The following OR2L13 variants were observed in gnomAD, a reference collection of about 807,000 sequenced individuals.
OR2L13 encodes the protein olfactory receptor family 2 subfamily L member 13.
OR2L13 carries 14 observed loss-of-function variants against 15.3 expected under a neutral mutation model. The ratio of observed to expected loss-of-function variants is 0.91; its 90% CI spans 0.60 to 1.43. The LOEUF (loss-of-function observed/expected upper bound fraction) is 1.43, where lower values mean the gene tolerates loss of function less well. OR2L13 is among the 40% of genes most tolerant of loss of function. OR2L13 has a pLI of 0.00. For missense variants in OR2L13, 367 were observed against 387.9 expected, an observed-to-expected ratio of 0.95 and a Z score of 0.45; for synonymous variants, 152 against 142.9, an observed-to-expected ratio of 1.06 and a Z score of -0.45.
chr1:247,953,150 C>T, the OR2L13 span, among the ~76,000 whole-genome samples: 7 of 152,128 alleles, frequency 4.6e-5, no homozygotes, highest in Non-Finnish European at 1.0e-4. Context: ...TGAGAATGTA[C>T]TCCAGATAAT....
At chr1:248,027,278 C>A in the OR2L13 span, among the ~76,000 whole-genome samples, 1 of 152,198 alleles carries the variant, frequency 6.6e-6, no homozygotes, top group African/African-American at 2.4e-5. Flanking sequence ...CGGTTGTCTG[C>A]TCTCAAACCC....
At chr1:247,996,806 T>C in the OR2L13 span, among the ~76,000 whole-genome samples, 1 of 152,218 alleles carries the variant, frequency 6.6e-6, no homozygotes, top group Non-Finnish European at 1.5e-5. Context: ...CTGGTTGCAC[T>C]AGACATGGCA....
chr1:248,085,884 C>A, the OR2L13 span, among the ~76,000 whole-genome samples: 6 of 152,204 alleles, frequency 3.9e-5, no homozygotes, highest in Admixed American at 6.5e-5. Context: ...AGGGCTCACA[C>A]TCCTATGAGA....
the OR2L13 span, among the ~76,000 whole-genome samples, chr1:248,084,899 T>C: frequency 9.2e-5 from 14 of 151,904 alleles, no homozygotes; most frequent in African/African-American, 3.4e-4. Context: ...AACACTTCAT[T>C]TTTAAGTTGT....
the OR2L13 span, among the ~76,000 whole-genome samples, chr1:247,994,180 G>A: frequency 0.13 from 20,005 of 151,932 alleles, 2,243 homozygotes; most frequent in African/African-American, 0.31. Flanking sequence ...GCGGATCACA[G>A]GGTCAGGAGA....
chr1:247,968,061 A>G, the OR2L13 span, among the ~76,000 whole-genome samples: 32 of 152,274 alleles, frequency 2.1e-4, no homozygotes, highest in Admixed American at 5.2e-4. Flanking sequence ...GAAAGTAGAA[A>G]GGAGAAAGAG....
upstream of OR2L13, among the ~76,000 whole-genome samples, chr1:248,095,826 C>T (rs1231378893): frequency 2.0e-5 from 3 of 150,106 alleles, no homozygotes; most frequent in Non-Finnish European, 4.4e-5. Context: ...AGGCTGGTCC[C>T]GAACTCCTGA....
At chr1:247,965,124 A>G in the OR2L13 span, 1 of 383,238 alleles carries the variant, frequency 2.6e-6, no homozygotes, top group Admixed American at 4.6e-5. Flanking sequence ...ATGTTTGCAT[A>G]TATAATCTGT....
the OR2L13 span, among the ~76,000 whole-genome samples, chr1:248,002,319 A>T: frequency 6.8e-6 from 1 of 145,998 alleles, no homozygotes; most frequent in African/African-American, 2.7e-5. Flanking sequence ...CTGTGTCATT[A>T]AGCACATATA....
At chr1:248,028,201 G>C in the OR2L13 span, among the ~76,000 whole-genome samples, 6 of 141,804 alleles carry the variant, frequency 4.2e-5, no homozygotes, top group South Asian at 2.4e-4. Context: ...AGGCTGATTT[G>C]AGGCTTCCTG....
At chr1:248,014,226 A>G in the OR2L13 span, among the ~76,000 whole-genome samples, 2 of 152,106 alleles carry the variant, frequency 1.3e-5, no homozygotes, top group South Asian at 4.1e-4. Flanking sequence ...TTCCAAGGAA[A>G]TATGTAGAAA....
At chr1:248,076,094 T>A in the OR2L13 span, among the ~76,000 whole-genome samples, 13,697 of 152,232 alleles carry the variant, frequency 0.09, 829 homozygotes, top group African/African-American at 0.17. Context: ...GCACCATTTT[T>A]AAATAGGGAA....
At chr1:247,961,485 A>C in the OR2L13 span, among the ~76,000 whole-genome samples, 1 of 152,220 alleles carries the variant, frequency 6.6e-6, no homozygotes, top group Non-Finnish European at 1.5e-5. Flanking sequence ...GTGATGGTAA[A>C]GTAAGGTGCC....
the OR2L13 span, among the ~76,000 whole-genome samples, chr1:248,012,438 C>A: frequency 6.6e-6 from 1 of 152,144 alleles, no homozygotes; most frequent in Non-Finnish European, 1.5e-5. Flanking sequence ...TGAGTCATGA[C>A]CCATAAAGTC....
chr1:247,983,478 A>G, the OR2L13 span, among the ~76,000 whole-genome samples: 1 of 152,214 alleles, frequency 6.6e-6, no homozygotes, highest in East Asian at 1.9e-4. Context: ...AAGCAAGTGT[A>G]TATGTTTTTA....
At chr1:248,022,587 G>C in the OR2L13 span, 1 of 1,614,034 alleles carries the variant, frequency 6.2e-7, no homozygotes, top group Non-Finnish European at 8.5e-7. Flanking sequence ...CACTGGCATT[G>C]CGTGTTCCTA....
the OR2L13 span, among the ~76,000 whole-genome samples, chr1:247,955,716 T>TCA: frequency 2.7e-4 from 4 of 14,736 alleles, no homozygotes; most frequent in East Asian, 0.057. Flanking sequence ...TGAGCATTTT[T>TCA]TTTCTTTTGG....
the OR2L13 span, among the ~76,000 whole-genome samples, chr1:247,956,660 G>A: frequency 6.6e-6 from 1 of 151,480 alleles, no homozygotes; most frequent in South Asian, 2.1e-4. Context: ...GGTCCTTCAC[G>A]TCCCTTCTAA....
At chr1:248,050,293 G>T in the OR2L13 span, among the ~76,000 whole-genome samples, 7 of 151,748 alleles carry the variant, frequency 4.6e-5, no homozygotes, top group African/African-American at 7.3e-5. Context: ...AAGTGAAGAT[G>T]TTTCTTAATA....
Sources: gnomAD v4.1 joint callset for allele counts (sites outside exome capture counted in the v4.1 genomes callset) on GRCh38, gnomAD v4.1.1 for gene constraint, MANE v1.5 for transcripts, NCBI Gene and HGNC (gene_info 2026-07-23, HGNC 2026-07-21) for gene names.